Variants in EXOC6B observed in about 807,000 individuals in gnomAD.
EXOC6B encodes the protein exocyst complex component 6B.
EXOC6B carries 54 observed loss-of-function variants against 113.5 expected under a neutral mutation model. The observed-to-expected ratio is 0.48, with a 90% CI of 0.38 to 0.60. The LOEUF (loss-of-function observed/expected upper bound fraction) is 0.60, where lower values mean the gene tolerates loss of function less well. EXOC6B is among the 20% of genes least tolerant of loss of function. EXOC6B has a pLI of 0.00. For missense variants in EXOC6B, 797 were observed against 977.5 expected, an observed-to-expected ratio of 0.82 and a Z score of 2.46; for synonymous variants, 357 against 339.0, an observed-to-expected ratio of 1.05 and a Z score of -0.58.
intron 1 of EXOC6B, among the ~76,000 whole-genome samples, chr2:72,751,290 C>A (rs1425767399): frequency 6.6e-6 from 1 of 152,012 alleles, no homozygotes; most frequent in African/African-American, 2.4e-5. Flanking sequence ...TCTGGAAGGG[C>A]AGGACAATTT....
intron 19 of EXOC6B, among the ~76,000 whole-genome samples, chr2:72,341,484 T>C: frequency 6.6e-6 from 1 of 152,128 alleles, no homozygotes; most frequent in East Asian, 1.9e-4. Context: ...TCAGACAAAA[T>C]ACACACTTTT....
At chr2:72,204,055 C>T (rs1679672120) in intron 20 of EXOC6B, among the ~76,000 whole-genome samples, 1 of 152,060 alleles carries the variant, frequency 6.6e-6, no homozygotes, top group African/African-American at 2.4e-5. Context: ...TCTCTGGATA[C>T]CAGCAAAGTC....
At chr2:72,660,760 A>G (rs1674950594) in intron 6 of EXOC6B, among the ~76,000 whole-genome samples, 1 of 152,142 alleles carries the variant, frequency 6.6e-6, no homozygotes, top group African/African-American at 2.4e-5. Flanking sequence ...AAATCATAGT[A>G]GGTAGATTGA....
chr2:72,599,395 T>C (rs888859129), intron 6 of EXOC6B, among the ~76,000 whole-genome samples: 2 of 151,984 alleles, frequency 1.3e-5, no homozygotes, highest in Non-Finnish European at 2.9e-5. Context: ...TAGAAGGAAA[T>C]TTCTGAAACT....
intron 19 of EXOC6B, among the ~76,000 whole-genome samples, chr2:72,342,322 T>C (rs1689078194): frequency 2.0e-5 from 3 of 152,100 alleles, no homozygotes; most frequent in Non-Finnish European, 2.9e-5. Context: ...AACTAAGAGT[T>C]AGCTTTCTTG....
At chr2:72,283,407 G>A (rs146643795) in intron 20 of EXOC6B, among the ~76,000 whole-genome samples, 1 of 152,110 alleles carries the variant, frequency 6.6e-6, no homozygotes, top group Non-Finnish European at 1.5e-5. Context: ...AAATTGGAAG[G>A]ACAGATAGAT....
intron 2 of EXOC6B, among the ~76,000 whole-genome samples, chr2:72,736,327 G>A (rs1237814728): frequency 6.6e-6 from 1 of 152,092 alleles, no homozygotes; most frequent in Non-Finnish European, 1.5e-5. Context: ...CTTAGAGTAC[G>A]ATTTCTTTTC....
chr2:72,481,199 C>T (rs1418794734), intron 16 of EXOC6B, among the ~76,000 whole-genome samples: 1 of 152,158 alleles, frequency 6.6e-6, no homozygotes, highest in East Asian at 1.9e-4. Context: ...TTCCTGAGGC[C>T]TCCCAAGCCA....
At chr2:72,333,104 T>C (rs1195423591) in intron 20 of EXOC6B, among the ~76,000 whole-genome samples, 1 of 152,118 alleles carries the variant, frequency 6.6e-6, no homozygotes, top group African/African-American at 2.4e-5. Flanking sequence ...GGCATACTCT[T>C]TCATTACCAG....
At chr2:72,336,189 C>T (rs1572931919) in intron 19 of EXOC6B, among the ~76,000 whole-genome samples, 1 of 152,224 alleles carries the variant, frequency 6.6e-6, no homozygotes, top group East Asian at 1.9e-4. Context: ...ATGCTTCTAT[C>T]CAGTACTGAA....
At chr2:72,347,092 C>A (rs1689379104) in intron 19 of EXOC6B, among the ~76,000 whole-genome samples, 2 of 152,110 alleles carry the variant, frequency 1.3e-5, no homozygotes, top group Non-Finnish European at 1.5e-5. Flanking sequence ...ATAAAATATT[C>A]TTTTCATTAA....
intron 20 of EXOC6B, among the ~76,000 whole-genome samples, chr2:72,215,679 C>T (rs770913062): frequency 1.3e-5 from 2 of 152,044 alleles, no homozygotes; most frequent in Non-Finnish European, 2.9e-5. Context: ...GAGCGCGTAC[C>T]ATGAGTACAG....
At chr2:72,646,953 C>T (rs949877759) in intron 6 of EXOC6B, among the ~76,000 whole-genome samples, 4 of 152,118 alleles carry the variant, frequency 2.6e-5, no homozygotes, top group Non-Finnish European at 5.9e-5. Context: ...CTGGCCAGGG[C>T]ATTCAGGCAA....
At chr2:72,330,503 A>T (rs950480552) in intron 20 of EXOC6B, among the ~76,000 whole-genome samples, 20 of 152,004 alleles carry the variant, frequency 1.3e-4, no homozygotes, top group Admixed American at 1.2e-3. Flanking sequence ...TTTAAACAAA[A>T]CTTAAATCTG....
At chr2:72,360,805 T>C (rs1192500272) in intron 19 of EXOC6B, among the ~76,000 whole-genome samples, 1 of 151,728 alleles carries the variant, frequency 6.6e-6, no homozygotes, top group African/African-American at 2.4e-5. Context: ...TCTTGATAAA[T>C]GCAAGGATAG....
intron 6 of EXOC6B, among the ~76,000 whole-genome samples, chr2:72,579,960 T>C (rs1474557646): frequency 2.0e-5 from 3 of 151,812 alleles, no homozygotes; most frequent in African/African-American, 7.3e-5. Flanking sequence ...CTCTCTGCAA[T>C]ATCCTTATCT....
chr2:72,247,285 T>C (rs879483016), intron 20 of EXOC6B, among the ~76,000 whole-genome samples: 2 of 152,142 alleles, frequency 1.3e-5, no homozygotes, highest in African/African-American at 2.4e-5. Flanking sequence ...CCCTGGGAGT[T>C]GTACTGCTGA....
At chr2:72,736,974 G>T (rs1681009649) in intron 2 of EXOC6B, among the ~76,000 whole-genome samples, 1 of 152,150 alleles carries the variant, frequency 6.6e-6, no homozygotes, top group African/African-American at 2.4e-5. Context: ...TCCAGCTAAG[G>T]CTGATCAGCG....
At chr2:72,521,991 C>T (rs567153477) in intron 8 of EXOC6B, among the ~76,000 whole-genome samples, 5 of 152,162 alleles carry the variant, frequency 3.3e-5, no homozygotes, top group Admixed American at 6.5e-5. Flanking sequence ...CCACTGCACC[C>T]GGCCAGTTTA....
Sources: gnomAD v4.1 joint callset for allele counts (sites outside exome capture counted in the v4.1 genomes callset) on GRCh38, gnomAD v4.1.1 for gene constraint, MANE v1.5 for transcripts, NCBI Gene and HGNC (gene_info 2026-07-23, HGNC 2026-07-21) for gene names.